ATG7: variants seen among roughly 807,000 people sequenced by gnomAD.
ATG7 encodes autophagy related 7, also known as ubiquitin-like modifier-activating enzyme ATG7.
ATG7 carries 70 observed loss-of-function variants against 82.4 expected under a neutral mutation model. That is an observed-to-expected ratio of 0.85 (90% CI 0.70 to 1.04). The LOEUF (loss-of-function observed/expected upper bound fraction) is 1.04. ATG7 is among the 50% of genes least tolerant of loss of function. The probability of loss-of-function intolerance (pLI) is 0.00; values close to 1 mark genes in which losing one functional copy is unlikely to be tolerated. For synonymous variants in ATG7, 287 were observed against 313.0 expected, an observed-to-expected ratio of 0.92 and a Z score of 0.88; for missense variants, 792 against 864.3, an observed-to-expected ratio of 0.92 and a Z score of 1.05.
At chr3:11,403,538 CT>C (rs1371837437) in intron 19 of ATG7, among the ~76,000 whole-genome samples, 1 of 152,008 alleles carries the variant, frequency 6.6e-6, no homozygotes, top group Admixed American at 6.6e-5. Flanking sequence ...CAAATGTAAA[CT>C]TTTATGTAGT....
At chr3:11,477,384 C>T in intron 20 of ATG7, 1 of 917,074 alleles carries the variant, frequency 1.1e-6, no homozygotes, top group Non-Finnish European at 1.4e-6. Flanking sequence ...CTGTGAAATG[C>T]TAAATGGATA....
chr3:11,508,426 C>A (rs564505498), intron 20 of ATG7, among the ~76,000 whole-genome samples: 1 of 151,838 alleles, frequency 6.6e-6, no homozygotes, highest in Admixed American at 6.6e-5. Context: ...GGGCCACATG[C>A]GTTAGACAAG....
chr3:11,552,695 A>C (rs1226051542), intron 20 of ATG7, among the ~76,000 whole-genome samples: 1 of 152,174 alleles, frequency 6.6e-6, no homozygotes, highest in Non-Finnish European at 1.5e-5. Flanking sequence ...TAATCCCCGC[A>C]CAATAAGTCT....
intron 20 of ATG7, among the ~76,000 whole-genome samples, chr3:11,457,304 A>C (rs1210654685): frequency 6.6e-6 from 1 of 151,988 alleles, no homozygotes; most frequent in Admixed American, 6.6e-5. Flanking sequence ...ATCACTGGGG[A>C]GGAGAAGCAG....
At chr3:11,279,236 G>A (rs2152632427) in intron 1 of ATG7, among the ~76,000 whole-genome samples, 1 of 152,310 alleles carries the variant, frequency 6.6e-6, no homozygotes, top group South Asian at 2.1e-4. Flanking sequence ...TGCATTTATT[G>A]AGAGAGAGCC....
intron 20 of ATG7, among the ~76,000 whole-genome samples, chr3:11,528,549 G>T (rs984288373): frequency 1.3e-5 from 2 of 152,024 alleles, no homozygotes; most frequent in Non-Finnish European, 2.9e-5. Context: ...AAAATAGTTT[G>T]GGCGCAGTGA....
At chr3:11,294,969 G>A (rs1355670771) in intron 3 of ATG7, among the ~76,000 whole-genome samples, 1 of 152,100 alleles carries the variant, frequency 6.6e-6, no homozygotes, top group African/African-American at 2.4e-5. Flanking sequence ...AAAATTAGCC[G>A]GGCATGGTGG....
chr3:11,307,017 A>G lies in ATG7; in HGVS notation c.290A>G (p.Lys97Arg), dbSNP rs1353742905. 6.2e-6 allele frequency: 10 copies of G among 1,613,990 alleles called. No homozygotes were observed. The African/African-American group carries it at 6.7e-5, about 11-fold the overall frequency. ...LYNTNTLESF[K>R]TADKKLLLEQ... ...AACACCAACACACTCGAGTCTTTCA[A>G]GACTGCAGATAAGAAGCTCCTTTTG... Residue 97 changes from lysine to arginine, a missense_variant, in exon 6 of 21, where the codon AAG (lysine) becomes AGG (arginine). Physicochemically the swap from Lys to Arg is conservative, Grantham distance 26. Transcript: ENST00000693202.
intron 20 of ATG7, among the ~76,000 whole-genome samples, chr3:11,491,436 A>C (rs2090345031): frequency 1.3e-5 from 2 of 152,258 alleles, no homozygotes; most frequent in African/African-American, 4.8e-5. Context: ...TGTAGCTCAG[A>C]GTAGTTTGAT....
At chr3:11,407,899 A>G (rs2080503369) in intron 19 of ATG7, among the ~76,000 whole-genome samples, 1 of 152,210 alleles carries the variant, frequency 6.6e-6, no homozygotes, top group Non-Finnish European at 1.5e-5. Flanking sequence ...AGGGGCTGCC[A>G]CAAAGTTCTC....
At chr3:11,493,210 C>G (rs1348257405) in intron 20 of ATG7, among the ~76,000 whole-genome samples, 1 of 152,186 alleles carries the variant, frequency 6.6e-6, no homozygotes, top group Non-Finnish European at 1.5e-5. Flanking sequence ...CCAGGTCACT[C>G]TCCCCTGAAG....
intron 19 of ATG7, among the ~76,000 whole-genome samples, chr3:11,383,435 A>G (rs1207127667): frequency 1.3e-5 from 2 of 152,146 alleles, no homozygotes; most frequent in African/African-American, 4.8e-5. Flanking sequence ...ATAATATATT[A>G]TATACCTTTC....
At chr3:11,490,975 T>C in intron 20 of ATG7, among the ~76,000 whole-genome samples, 1 of 152,158 alleles carries the variant, frequency 6.6e-6, no homozygotes. Context: ...TTGAGGAGTA[T>C]CTTTGTGGTG....
chr3:11,407,140 G>C (rs1252865038), intron 19 of ATG7, among the ~76,000 whole-genome samples: 1 of 152,134 alleles, frequency 6.6e-6, no homozygotes, highest in African/African-American at 2.4e-5. Flanking sequence ...ACAGGCATTG[G>C]GTACATACAG....
intron 20 of ATG7, among the ~76,000 whole-genome samples, chr3:11,439,281 C>G (rs2083661053): frequency 6.6e-6 from 1 of 151,890 alleles, no homozygotes; most frequent in African/African-American, 2.4e-5. Flanking sequence ...GTTGGCCAGG[C>G]TGGTCTCGAA....
intron 11 of ATG7, among the ~76,000 whole-genome samples, chr3:11,337,377 T>C (rs2594983): frequency 0.87 from 131,935 of 151,990 alleles, 57,554 homozygotes; most frequent in East Asian, 1. Flanking sequence ...CGCTTGAACC[T>C]GGGAGGCGGA....
intron 19 of ATG7, among the ~76,000 whole-genome samples, chr3:11,393,925 C>T (rs1215947810): frequency 1.3e-5 from 2 of 152,154 alleles, no homozygotes; most frequent in Non-Finnish European, 2.9e-5. Context: ...AAGCAGTCCT[C>T]CTCCCTTGGC....
chr3:11,557,379 G>A lies in ATG7; in HGVS notation c.*2536G>A. 6.5e-6 allele frequency: 1 copy of A among 152,788 alleles called. No homozygotes were observed. Among genetic ancestry groups the A allele is most frequent in the East Asian group, 1.9e-4 (1 of 5,334 alleles). 9.5% of individuals were successfully genotyped at this position (152,788 alleles called of 1,614,324 possible). On this transcript the variant is annotated 3_prime_UTR_variant, in exon 21 of 21. Transcript: ENST00000693202. ...GTTCAGCCAAGAGAGTTCAAAGGGA[G>A]CAGTTTCTGCATGTAGGGAAGTTGG...
At chr3:11,576,201 G>T in the ATG7 span, among the ~76,000 whole-genome samples, 3 of 152,214 alleles carry the variant, frequency 2.0e-5, no homozygotes, top group Non-Finnish European at 1.5e-5. Flanking sequence ...CCCACCTGCG[G>T]CCATGACCCC....
Sources: gnomAD v4.1 joint callset for allele counts (sites outside exome capture counted in the v4.1 genomes callset) on GRCh38, gnomAD v4.1.1 for gene constraint, MANE v1.5 for transcripts, NCBI Gene and HGNC (gene_info 2026-07-23, HGNC 2026-07-21) for gene names.